SYNE2: variants seen among roughly 807,000 people sequenced by gnomAD.
SYNE2 encodes the protein nesprin-2.
SYNE2 carries 431 observed loss-of-function variants against 856.3 expected under a neutral mutation model. The observed-to-expected ratio is 0.50, with a 90% CI of 0.47 to 0.55. SYNE2 has a LOEUF of 0.55. SYNE2 is among the 20% of genes least tolerant of loss of function. The pLI, the probability that SYNE2 is intolerant of heterozygous loss-of-function variation, is 0.00. For missense variants in SYNE2, 8,129 were observed against 8,023.2 expected (o/e 1.01, Z -0.50); for synonymous variants, 2,923 against 2,872.3 (o/e 1.02, Z -0.56).
intron 96 of SYNE2, among the ~76,000 whole-genome samples, chr14:64,182,343 CT>C (rs1265778359): frequency 1.3e-5 from 2 of 151,582 alleles, no homozygotes; most frequent in Non-Finnish European, 2.9e-5. Flanking sequence ...GGTTGCAAGT[CT>C]GGGGCAATTT....
intron 100 of SYNE2, among the ~76,000 whole-genome samples, chr14:64,203,728 A>G (rs142536937): frequency 0.011 from 1,645 of 151,972 alleles, 13 homozygotes; most frequent in Middle Eastern, 0.041. Flanking sequence ...TCTCAGACCT[A>G]TGGGCAGATT....
chr14:64,190,731 C>G (rs1248815873), intron 99 of SYNE2: 1 of 663,676 alleles, frequency 1.5e-6, no homozygotes. Flanking sequence ...TGCCAGGTCT[C>G]CCATGGGTGT....
chr14:63,975,910 C>A (rs2096538719), intron 11 of SYNE2, among the ~76,000 whole-genome samples: 1 of 152,208 alleles, frequency 6.6e-6, no homozygotes, highest in African/African-American at 2.4e-5. Flanking sequence ...TTTGTCAGCG[C>A]TTGCCGGGGG....
At chr14:63,952,700 G>C (rs917755565) in intron 7 of SYNE2, among the ~76,000 whole-genome samples, 1 of 152,194 alleles carries the variant, frequency 6.6e-6, no homozygotes, top group Non-Finnish European at 1.5e-5. Flanking sequence ...GGATGAAGTA[G>C]ATACCACAAA....
At chr14:63,935,072 G>A (rs960293136) in intron 2 of SYNE2, among the ~76,000 whole-genome samples, 5 of 151,358 alleles carry the variant, frequency 3.3e-5, no homozygotes, top group African/African-American at 1.2e-4. Flanking sequence ...CTCTTCTCAT[G>A]CTAGGGGACA....
chr14:64,174,003 C>G, intron 94 of SYNE2: 1 of 648,818 alleles, frequency 1.5e-6, no homozygotes, highest in Non-Finnish European at 2.7e-6. Flanking sequence ...GGAGCAGTCA[C>G]GGAGCTGTAA....
chr14:64,044,533 A>C (rs564474946), intron 45 of SYNE2, among the ~76,000 whole-genome samples: 1 of 152,186 alleles, frequency 6.6e-6, no homozygotes, highest in Non-Finnish European at 1.5e-5. Flanking sequence ...ATGTGAGGAC[A>C]TGAGATTTGG....
chr14:63,901,857 T>G (rs1156561249), intron 1 of SYNE2, among the ~76,000 whole-genome samples: 5 of 152,068 alleles, frequency 3.3e-5, no homozygotes, highest in Non-Finnish European at 5.9e-5. Flanking sequence ...CCAGGGAAGT[T>G]GAGGTTTCAG....
In SYNE2 at chr14:63,780,326, G is replaced by C. The variant is rs183493033; in HGVS notation, c.-305+18340G>C. Among the ~76,000 whole-genome samples, 631 of 152,290 alleles carry C rather than the reference G, an allele frequency of 4.1e-3. 9 individuals carry two copies. The highest frequency in any genetic ancestry group is 0.014 in the African/African-American group (593 of 41,572). Reference sequence around the variant, plus strand: ...AGGCGGGCAGACGATTTGAGGTCAGGAGTTCAAGACCAGCCTGGCAAACAT... The same window carrying C: ...AGGCGGGCAGACGATTTGAGGTCAGCAGTTCAAGACCAGCCTGGCAAACAT... On this transcript the variant is annotated intron_variant, in intron 1 of 23. Transcript: ENST00000674003.
chr14:63,920,282 A>T (rs2095584449), intron 2 of SYNE2, among the ~76,000 whole-genome samples: 1 of 151,756 alleles, frequency 6.6e-6, no homozygotes, highest in Admixed American at 6.6e-5. Context: ...GAGTGGGAGT[A>T]CCTAACCCAG....
Position 63,991,249 on chromosome 14 carries a change from A to G in SYNE2, c.2646+134A>G, listed in dbSNP as rs932569348. The G allele has an allele frequency of 4.1e-5, 39 of 940,094 alleles. No homozygotes were observed. The African/African-American group carries it at 6.5e-4, about 16-fold the overall frequency. The allele number at this position is 940,094 out of a possible 1,614,324, so 58.2% of individuals were successfully genotyped here. On this transcript the variant is annotated intron_variant, in intron 21 of 115. Coordinates refer to ENST00000555002, the MANE Select transcript of SYNE2 (RefSeq NM_182914.3). ...TAAAAAGAATTTCCCAGTATTCTAT[A>G]TTGTTCCCCTGAGGTTATTAAACGT...
chr14:64,116,711 C>T lies in SYNE2; in HGVS notation c.12841-2716C>T, dbSNP rs540102001. On this transcript the variant is annotated intron_variant, in intron 66 of 115. Coordinates refer to ENST00000555002, the MANE Select transcript of SYNE2 (RefSeq NM_182914.3). ...GATTACAGGCATGAGCCACCGTGCC[C>T]GGCCAGTACCATTACTTTTAATTTA... is the stretch of plus-strand genomic sequence containing the variant. Among the ~76,000 whole-genome samples, 4 of 152,236 alleles carry T rather than the reference C, an allele frequency of 2.6e-5. No individual in the cohort carries two copies. In the East Asian group the frequency reaches 5.8e-4, roughly 22 times the overall value.
At chr14:64,178,937 TGTG>T in intron 96 of SYNE2, among the ~76,000 whole-genome samples, 1 of 152,110 alleles carries the variant, frequency 6.6e-6, no homozygotes. Flanking sequence ...ATTAGCTGGA[TGTG>T]GTGGCACTTG....
rs2097229192 is a variant in SYNE2, at chr14:64,051,778, TA to T, written c.7866del (p.Val2623TrpfsTer10). On this transcript the variant is annotated frameshift_variant, in exon 48 of 116. Transcript: ENST00000555002. LOFTEE classifies it high-confidence loss of function. ...ATTCAAAAGAAGTATTCTCAGCAGG[TA>T]GTGGAATATGATGAATTTACAACCC... Reference protein sequence around the residue: ...QQIQKKYSQQVVEYDEFTTLM... With the variant: ...QQIQKKYSQQXVEYDEFTTLM... The T allele has an allele frequency of 6.2e-7, 1 of 1,613,992 alleles. No individual in the cohort carries two copies. Among genetic ancestry groups the T allele is most frequent in the Non-Finnish European group, 8.5e-7 (1 of 1,180,016 alleles).
At chr14:64,172,998 C>T (rs1216990606) in intron 94 of SYNE2, among the ~76,000 whole-genome samples, 1 of 151,690 alleles carries the variant, frequency 6.6e-6, no homozygotes, top group African/African-American at 2.4e-5. Flanking sequence ...CTTGAAAGAG[C>T]CTATTTGGGT....
chr14:63,820,018 T>C (rs1385321148), intron 1 of SYNE2, among the ~76,000 whole-genome samples: 1 of 152,174 alleles, frequency 6.6e-6, no homozygotes. Flanking sequence ...TTAAAAGTCT[T>C]TTTTTAATTT....
intron 32 of SYNE2, among the ~76,000 whole-genome samples, chr14:64,014,475 G>A (rs1303846336): frequency 1.3e-5 from 2 of 152,076 alleles, no homozygotes; most frequent in African/African-American, 4.8e-5. Context: ...TGCCCAGGTT[G>A]GAGTGCCATG....
At chr14:63,839,647 A>T (rs1035920391) in intron 1 of SYNE2, among the ~76,000 whole-genome samples, 3 of 152,176 alleles carry the variant, frequency 2.0e-5, no homozygotes, top group African/African-American at 7.2e-5. Flanking sequence ...GTGAGCCAAG[A>T]TCACACAATT....
chr14:63,852,343 T>C (rs906553789), upstream of SYNE2, among the ~76,000 whole-genome samples: 1 of 152,128 alleles, frequency 6.6e-6, no homozygotes, highest in African/African-American at 2.4e-5. Context: ...AACTGGCACC[T>C]GCAAGACGCA....
Sources: gnomAD v4.1 joint callset for allele counts (sites outside exome capture counted in the v4.1 genomes callset) on GRCh38, gnomAD v4.1.1 for gene constraint, MANE v1.5 for transcripts, NCBI Gene and HGNC (gene_info 2026-07-23, HGNC 2026-07-21) for gene names.